TGS1: variants seen among roughly 807,000 people sequenced by gnomAD.
TGS1 encodes trimethylguanosine synthase.
TGS1 carries 69 observed loss-of-function variants against 92.2 expected under a neutral mutation model. The observed-to-expected ratio is 0.75, with a 90% CI of 0.62 to 0.91. The LOEUF (loss-of-function observed/expected upper bound fraction) is 0.91. Ranked by LOEUF, TGS1 falls within the 40% of genes least tolerant of loss-of-function variation. The pLI is 0.00. For missense variants in TGS1, 1,062 were observed against 1,001.2 expected (o/e 1.06, Z -0.82); for synonymous variants, 345 against 338.1 (o/e 1.02, Z -0.22).
intron 1 of TGS1, among the ~76,000 whole-genome samples, chr8:55,776,706 T>G (rs1811411981): frequency 6.6e-6 from 1 of 152,194 alleles, no homozygotes; most frequent in South Asian, 2.1e-4. Flanking sequence ...CTTCTTTCTT[T>G]GGAGGCAGAA....
In TGS1 at chr8:55,824,749, T is replaced by A; in HGVS notation, c.*46T>A. ...AAAAGATCATGGAGTGGTCAAAATA[T>A]TCAGATGAGACATTTGGCATGTCTT... is the stretch of plus-strand genomic sequence containing the variant. On this transcript the variant is annotated 3_prime_UTR_variant, in exon 13 of 13. Coordinates refer to ENST00000260129, the MANE Select transcript of TGS1 (RefSeq NM_024831.8). 1 of 1,605,492 alleles carries A rather than the reference T, an allele frequency of 6.2e-7. No individual in the cohort carries two copies. The highest frequency in any genetic ancestry group is 8.5e-7 in the Non-Finnish European group (1 of 1,174,688).
intron 8 of TGS1, among the ~76,000 whole-genome samples, chr8:55,800,507 C>A (rs975204192): frequency 6.6e-6 from 1 of 152,190 alleles, no homozygotes; most frequent in African/African-American, 2.4e-5. Flanking sequence ...TCCATAAACA[C>A]CAATTCTCAT....
intron 1 of TGS1, among the ~76,000 whole-genome samples, chr8:55,778,508 T>C (rs1297181551): frequency 6.6e-6 from 1 of 152,216 alleles, no homozygotes. Context: ...CTGAAGAGCC[T>C]ATATTTCCCT....
At chr8:55,777,253 C>T (rs1339571735) in intron 1 of TGS1, among the ~76,000 whole-genome samples, 5 of 150,882 alleles carry the variant, frequency 3.3e-5, no homozygotes, top group Admixed American at 6.6e-5. Context: ...AAACAGTTTT[C>T]CCACCTCAGC....
intron 1 of TGS1, among the ~76,000 whole-genome samples, chr8:55,777,907 T>TAAAA (rs1563448316): frequency 1.6e-4 from 25 of 152,078 alleles, no homozygotes; most frequent in Admixed American, 4.6e-4. Context: ...TTTAAATTTT[T>TAAAA]TTTTTTTTTA....
chr8:55,801,445 A>AT (rs33910297), intron 8 of TGS1, among the ~76,000 whole-genome samples: 30 of 147,970 alleles, frequency 2.0e-4, no homozygotes, highest in Admixed American at 3.4e-4. Context: ...TAATTTTTGT[A>AT]TTTTTTTTTA....
chr8:55,806,391 A>G (rs1356476183), intron 10 of TGS1, among the ~76,000 whole-genome samples: 1 of 151,294 alleles, frequency 6.6e-6, no homozygotes, highest in African/African-American at 2.4e-5. Flanking sequence ...AAAAGAAAAA[A>G]AAAAACCTAC....
chr8:55,798,886 T>G, intron 7 of TGS1, 28 bp from the exon 8 acceptor site: 1 of 1,534,662 alleles, frequency 6.5e-7, no homozygotes, highest in Non-Finnish European at 8.8e-7. Context: ...AATTAATTCC[T>G]GCTCATGATG....
Position 55,813,082 on chromosome 8 carries a change from T to G in TGS1, c.2403T>G (p.Ile801Met), listed in dbSNP as rs752690978. The G allele has an allele frequency of 1.2e-6, 2 of 1,611,044 alleles. No homozygotes were observed. The highest frequency in any genetic ancestry group is 1.7e-6 in the Non-Finnish European group (2 of 1,178,080). ...FRLSKKITNN[I>M]VYFLPRNADI... ...TTTCTAAGAAGATCACTAATAATAT[T>G]GTTTATTTTCTTCCAAGAAATGCTG... Residue 801 changes from isoleucine to methionine, a missense_variant, in exon 12 of 13, where the codon ATT (isoleucine) becomes ATG (methionine). By Grantham distance (10) the Ile-to-Met change is conservative. Coordinates refer to ENST00000260129, the MANE Select transcript of TGS1 (RefSeq NM_024831.8).
chr8:55,786,345 C>T lies in TGS1; in HGVS notation c.447C>T (p.Asp149=), dbSNP rs149461987. The T allele has an allele frequency of 9.3e-4, 1,494 of 1,612,046 alleles. 4 individuals are homozygous for T. The highest frequency in any genetic ancestry group is 6.2e-3 in the African/African-American group (468 of 74,954). The stretch of plus-strand genomic sequence containing the variant: ...CTTGGAGAAAAGAATATGAAGAAGA[C>T]GACATTTTGGCTTCAGATGATCCAT... The part of the protein sequence containing the change: ...QESWRKEYEE[D]DILASDDPSS... The change falls in exon 4 of 13, where the codon GAC becomes GAT. Residue 149 remains aspartate, a synonymous_variant. Coordinates refer to ENST00000260129, the MANE Select transcript of TGS1 (RefSeq NM_024831.8).
chr8:55,802,643 A>G, intron 9 of TGS1, 37 bp downstream of exon 9: 1 of 1,553,758 alleles, frequency 6.4e-7, no homozygotes, highest in Non-Finnish European at 8.7e-7. Flanking sequence ...TTATTTTGAA[A>G]CCACTTCAAA....
chr8:55,789,793 C>A (rs1811822573), intron 4 of TGS1, among the ~76,000 whole-genome samples: 1 of 152,254 alleles, frequency 6.6e-6, no homozygotes, highest in South Asian at 2.1e-4. Context: ...TTGGTTACAG[C>A]CCAGCTTTTG....
At chr8:55,805,315 G>A (rs1253502384) in intron 10 of TGS1, among the ~76,000 whole-genome samples, 1 of 152,012 alleles carries the variant, frequency 6.6e-6, no homozygotes, top group Non-Finnish European at 1.5e-5. Flanking sequence ...ATGTTCTGGA[G>A]ATTTGTGACA....
intron 1 of TGS1, among the ~76,000 whole-genome samples, chr8:55,776,861 A>C (rs1811416145): frequency 6.6e-6 from 1 of 152,118 alleles, no homozygotes; most frequent in Non-Finnish European, 1.5e-5. Context: ...CCTTTTGATT[A>C]GGCCTTGTCA....
At position 55,799,190 on chromosome 8, in the gene TGS1, G is replaced by T; in HGVS notation, c.1819G>T (p.Val607Leu). ...PDEQDCVTQE[V>L]PDSRQAETEA... ...TGAGCAGGATTGTGTTACTCAAGAA[G>T]TGCCAGACTCCCGCCAGGCAGAAAC... Residue 607 changes from valine to leucine, a missense_variant, in exon 8 of 13, where the codon GTG (valine) becomes TTG (leucine). Val to Leu is a conservative substitution (Grantham distance 32, BLOSUM62 1). Transcript: ENST00000260129. 1 of 1,612,520 alleles carries T rather than the reference G, an allele frequency of 6.2e-7. No homozygotes were observed. The highest frequency in any genetic ancestry group is 1.3e-5 in the African/African-American group (1 of 74,952).
At chr8:55,781,370 C>A (rs28676361) in intron 1 of TGS1, among the ~76,000 whole-genome samples, 20,795 of 151,710 alleles carry the variant, frequency 0.14, 1,561 homozygotes, top group African/African-American at 0.2. Context: ...TAAAAAAAAA[C>A]CAAAAATTTT....
At chr8:55,781,153 A>G (rs879291549) in intron 1 of TGS1, among the ~76,000 whole-genome samples, 1 of 152,228 alleles carries the variant, frequency 6.6e-6, no homozygotes. Flanking sequence ...ACACGCATAC[A>G]TGAATGTGTC....
chr8:55,806,356 C>CAAAAAA (rs1047234489), intron 10 of TGS1, among the ~76,000 whole-genome samples: 9 of 38,902 alleles, frequency 2.3e-4, no homozygotes, highest in South Asian at 9.8e-4. Flanking sequence ...GACTCCACCT[C>CAAAAAA]AAAAAAAAAA....
Position 55,786,375 on chromosome 8 carries a change from A to T in TGS1, c.477A>T (p.Ser159=). The T allele has an allele frequency of 6.2e-7, 1 of 1,613,756 alleles. No individual in the cohort carries two copies. Among genetic ancestry groups the T allele is most frequent in the Non-Finnish European group, 8.5e-7 (1 of 1,179,956 alleles). The change falls in exon 4 of 13, where the codon TCA becomes TCT. Residue 159 remains serine (S), a synonymous_variant. Coordinates refer to ENST00000260129, the MANE Select transcript of TGS1 (RefSeq NM_024831.8). ...DDILASDDPS[S]IEQYENTRTY... is the part of the protein sequence containing the mutation. ...TTTTGGCTTCAGATGATCCATCTTC[A>T]ATTGAACAGTATGAGAACACCAGAA... is the stretch of plus-strand genomic sequence containing the variant.
Sources: gnomAD v4.1 joint callset for allele counts (sites outside exome capture counted in the v4.1 genomes callset) on GRCh38, gnomAD v4.1.1 for gene constraint, MANE v1.5 for transcripts, NCBI Gene and HGNC (gene_info 2026-07-23, HGNC 2026-07-21) for gene names.